Variants in FAM184B observed in about 807,000 individuals in gnomAD.
The protein encoded by FAM184B is family with sequence similarity 184 member B.
Under a neutral mutation model 135.9 loss-of-function variants are expected in FAM184B, and 111 were observed. The ratio of observed to expected loss-of-function variants is 0.82; its 90% CI spans 0.70 to 0.96. The LOEUF is 0.96. Ranked by LOEUF, FAM184B falls within the 40% of genes least tolerant of loss-of-function variation. The pLI, the probability that FAM184B is intolerant of heterozygous loss-of-function variation, is 0.00. For missense variants in FAM184B, 1,375 were observed against 1,323.9 expected (o/e 1.04, Z -0.60); for synonymous variants, 552 against 524.8 (o/e 1.05, Z -0.71).
intron 1 of FAM184B, among the ~76,000 whole-genome samples, chr4:17,715,896 A>C (rs938711389): frequency 6.6e-6 from 1 of 152,172 alleles, no homozygotes; most frequent in Non-Finnish European, 1.5e-5. Flanking sequence ...GTGGGAGATT[A>C]TCGACATGTT....
chr4:17,683,298 G>A (rs556718649), intron 7 of FAM184B, among the ~76,000 whole-genome samples: 1 of 152,274 alleles, frequency 6.6e-6, no homozygotes, highest in South Asian at 2.1e-4. Flanking sequence ...AGTTAAACAC[G>A]CACACACCAC....
At chr4:17,766,881 C>T (rs1718707972) in intron 1 of FAM184B, among the ~76,000 whole-genome samples, 1 of 152,210 alleles carries the variant, frequency 6.6e-6, no homozygotes, top group African/African-American at 2.4e-5. Flanking sequence ...TGGGGAGGCT[C>T]CGGCCGCACA....
At chr4:17,744,921 T>C (rs1718127450) in intron 1 of FAM184B, among the ~76,000 whole-genome samples, 1 of 152,070 alleles carries the variant, frequency 6.6e-6, no homozygotes, top group Admixed American at 6.5e-5. Context: ...GGTGAAGAGT[T>C]GTCTAAAGGA....
intron 1 of FAM184B, among the ~76,000 whole-genome samples, chr4:17,767,775 A>G (rs111751028): frequency 6.7e-4 from 99 of 147,316 alleles, no homozygotes; most frequent in African/African-American, 2.3e-3. Context: ...TTAAAAGATC[A>G]CCCTAAATAT....
rs769617396 is a variant in FAM184B, at chr4:17,629,979, G to T, written c.*2553C>A. 6.6e-6 allele frequency: 1 copy of T among 152,146 alleles called. No individual in the cohort carries two copies. Among genetic ancestry groups the T allele is most frequent in the Non-Finnish European group, 1.5e-5 (1 of 68,026 alleles). 9.4% of individuals were successfully genotyped at this position (152,146 alleles called of 1,614,324 possible). On this transcript the variant is annotated 3_prime_UTR_variant, in exon 18 of 18. Coordinates refer to ENST00000265018, the MANE Select transcript of FAM184B (RefSeq NM_015688.2). Reference sequence around the variant, plus strand: ...CCTCAATAAAAAATTATGGAAGCATGCAAAGATTTTGTTAACAAAGATATA... The same window carrying T: ...CCTCAATAAAAAATTATGGAAGCATTCAAAGATTTTGTTAACAAAGATATA...
At chr4:17,758,140 C>T (rs927241654) in intron 1 of FAM184B, among the ~76,000 whole-genome samples, 5 of 152,128 alleles carry the variant, frequency 3.3e-5, no homozygotes, top group African/African-American at 9.7e-5. Context: ...CTCCAGTTTG[C>T]GAACTGAGGG....
intron 11 of FAM184B, among the ~76,000 whole-genome samples, chr4:17,651,420 C>A (rs1715611941): frequency 6.6e-6 from 1 of 151,570 alleles, no homozygotes; most frequent in African/African-American, 2.4e-5. Flanking sequence ...CGCCTGTAGT[C>A]CCAGCTACTC....
Position 17,781,239 on chromosome 4 carries a change from C to CGGCTTTGGAGCCCT in FAM184B, c.47_60dup (p.Asp21ArgfsTer21). The CGGCTTTGGAGCCCT allele has an allele frequency of 6.4e-7, 1 of 1,551,016 alleles. No individual in the cohort carries two copies. Among genetic ancestry groups the CGGCTTTGGAGCCCT allele is most frequent in the Non-Finnish European group, 8.7e-7 (1 of 1,146,692 alleles). ...TCCATTCTCCAGCCGGCGCCACCGT[C>CGGCTTTGGAGCCCT]GGCTTTGGAGCCCTGGCAAGTGCCG... is the stretch of plus-strand genomic sequence containing the variant. On this transcript the variant is annotated frameshift_variant, in exon 1 of 18. Coordinates refer to ENST00000265018, the MANE Select transcript of FAM184B (RefSeq NM_015688.2). LOFTEE classifies it high-confidence loss of function. The surrounding 1 kb of genome is among the most constrained non-coding windows in gnomAD (Gnocchi z 6.5).
chr4:17,658,699 C>T (rs1241856473), intron 9 of FAM184B, 137 bp from the exon 10 acceptor site: 1 of 861,264 alleles, frequency 1.2e-6, no homozygotes, highest in African/African-American at 1.7e-5. Flanking sequence ...GGGATGGAAG[C>T]TGCAAGCTTT....
At chr4:17,719,758 T>C (rs556738941) in intron 1 of FAM184B, among the ~76,000 whole-genome samples, 2 of 152,340 alleles carry the variant, frequency 1.3e-5, no homozygotes, top group East Asian at 1.9e-4. Flanking sequence ...CCATTGTTAC[T>C]AATTTCTCAA....
intron 1 of FAM184B, among the ~76,000 whole-genome samples, chr4:17,747,920 CAAAAAA>C (rs71167333): frequency 0.011 from 243 of 21,698 alleles, 3 homozygotes; most frequent in African/African-American, 0.044. Flanking sequence ...GACTCTGTCT[CAAAAAA>C]AAAAAAAAAA....
intron 1 of FAM184B, among the ~76,000 whole-genome samples, chr4:17,766,094 T>C (rs1300769527): frequency 6.6e-6 from 1 of 152,214 alleles, no homozygotes; most frequent in Non-Finnish European, 1.5e-5. Flanking sequence ...GGAAGATTTA[T>C]TACAAAGAGC....
chr4:17,742,153 TATATATATATA>T (rs1369549178), intron 1 of FAM184B, among the ~76,000 whole-genome samples: 21 of 81,436 alleles, frequency 2.6e-4, no homozygotes, highest in South Asian at 1.9e-3. Context: ...TATATATATA[TATATATATATA>T]TATATTTTTT....
rs531235232 is a variant in FAM184B at position 17,731,905 on chromosome 4, C to A, written c.142-22261G>T. 3.9e-4 allele frequency among the ~76,000 whole-genome samples: 60 copies of A among 152,222 alleles called. 2 individuals are homozygous for A. In the South Asian group the frequency reaches 5.6e-3, roughly 14 times the overall value. Reference sequence around the variant, plus strand: ...ACATTTTTTTCAGCACCACACCACACCTATTCCAAAACTGACCACATAGTT... The same window carrying A: ...ACATTTTTTTCAGCACCACACCACAACTATTCCAAAACTGACCACATAGTT... On this transcript the variant is annotated intron_variant, in intron 1 of 17. Coordinates refer to ENST00000265018, the MANE Select transcript of FAM184B (RefSeq NM_015688.2).
At position 17,629,609 on chromosome 4, in the gene FAM184B, C is replaced by T. The variant is rs1311713633; in HGVS notation, c.*2923G>A. On this transcript the variant is annotated 3_prime_UTR_variant, in exon 18 of 18. Coordinates refer to ENST00000265018, the MANE Select transcript of FAM184B (RefSeq NM_015688.2). ...TAACTCTTCCACCCCTGTCATAATA[C>T]AGCCTGAAGAGATTTACCATTAAAT... The T allele has an allele frequency of 6.6e-6, 1 of 152,180 alleles. No individual in the cohort carries two copies. Among genetic ancestry groups the T allele is most frequent in the Non-Finnish European group, 1.5e-5 (1 of 68,034 alleles). The allele number at this position is 152,180 out of a possible 1,614,324, so 9.4% of individuals were successfully genotyped here. A position where few individuals can be genotyped will look rare whatever the true frequency, so the allele number is the denominator to read the frequency against.
At chr4:17,698,190 A>G (rs1716907867) in intron 5 of FAM184B, among the ~76,000 whole-genome samples, 1 of 152,220 alleles carries the variant, frequency 6.6e-6, no homozygotes, top group Non-Finnish European at 1.5e-5. Context: ...AGACTGTTTC[A>G]TGGGCCATTA....
chr4:17,744,636 C>A (rs1395869694), intron 1 of FAM184B, among the ~76,000 whole-genome samples: 1 of 151,642 alleles, frequency 6.6e-6, no homozygotes, highest in Non-Finnish European at 1.5e-5. Flanking sequence ...AGGAGAATAG[C>A]TTGAATCCGG....
intron 1 of FAM184B, among the ~76,000 whole-genome samples, chr4:17,733,765 A>T (rs764467835): frequency 3.9e-5 from 6 of 152,244 alleles, no homozygotes; most frequent in Non-Finnish European, 5.9e-5. Context: ...AAGGTAATTT[A>T]TATATTCAAT....
At chr4:17,736,806 G>A (rs924114449) in intron 1 of FAM184B, among the ~76,000 whole-genome samples, 9 of 152,132 alleles carry the variant, frequency 5.9e-5, no homozygotes, top group Admixed American at 5.2e-4. Flanking sequence ...CTCTAGCTGG[G>A]CTGCCATGTG....
Sources: allele counts gnomAD v4.1 joint callset (sites outside exome capture counted in the v4.1 genomes callset), GRCh38; gene constraint gnomAD v4.1.1; non-coding constraint Gnocchi (gnomAD v3.1); transcripts MANE v1.5; gene names NCBI Gene and HGNC (gene_info 2026-07-23, HGNC 2026-07-21).